Variants in CTBP2 observed in about 807,000 individuals in gnomAD.
CTBP2 encodes the protein C-terminal binding protein 2.
CTBP2 carries 30 observed loss-of-function variants against 80.3 expected under a neutral mutation model. The ratio of observed to expected loss-of-function variants is 0.37; its 90% confidence interval spans 0.28 to 0.51. The LOEUF is 0.51. Ranked by LOEUF, CTBP2 falls within the 20% of genes least tolerant of loss-of-function variation. The pLI is 0.93. For missense variants in CTBP2, 1,212 were observed against 1,375.3 expected, an observed-to-expected ratio of 0.88 and a Z score of 1.88; for synonymous variants, 594 against 587.4, an observed-to-expected ratio of 1.01 and a Z score of -0.16.
At chr10:125,068,330 T>C (rs992823123) in intron 2 of CTBP2, among the ~76,000 whole-genome samples, 11 of 152,190 alleles carry the variant, frequency 7.2e-5, no homozygotes, top group African/African-American at 2.7e-4. Flanking sequence ...CATTAAAGAA[T>C]TCAAACTACG....
chr10:125,075,707 G>A (rs1351898268), intron 2 of CTBP2, among the ~76,000 whole-genome samples: 1 of 152,228 alleles, frequency 6.6e-6, no homozygotes, highest in Non-Finnish European at 1.5e-5. Flanking sequence ...TATCTAATAT[G>A]CACCAGGAAA....
chr10:125,028,934 G>T (rs776654850), upstream of CTBP2, among the ~76,000 whole-genome samples: 2 of 152,152 alleles, frequency 1.3e-5, no homozygotes, highest in Non-Finnish European at 2.9e-5. Flanking sequence ...GGAGTGCCCC[G>T]AAGTATTAAG....
intron 4 of CTBP2, chr10:124,997,702 C>A: frequency 1.8e-6 from 1 of 541,678 alleles, no homozygotes. Flanking sequence ...CGCTGCCCCA[C>A]AGCAAAGAAT....
intron 1 of CTBP2, among the ~76,000 whole-genome samples, chr10:125,006,699 C>T (rs3781437): frequency 0.074 from 11,279 of 152,280 alleles, 549 homozygotes; most frequent in Admixed American, 0.14. Context: ...AAGTTTTTAA[C>T]CTATTAGGAT....
At chr10:125,111,506 A>G (rs998904353) in intron 1 of CTBP2, among the ~76,000 whole-genome samples, 8 of 152,264 alleles carry the variant, frequency 5.3e-5, no homozygotes, top group African/African-American at 9.6e-5. Flanking sequence ...CCCACGGTTT[A>G]TAAGTGCTAT....
At chr10:125,126,472 T>C (rs1348683428) in intron 1 of CTBP2, among the ~76,000 whole-genome samples, 3 of 152,148 alleles carry the variant, frequency 2.0e-5, no homozygotes, top group Non-Finnish European at 4.4e-5. Context: ...CACCAGAAAA[T>C]GCCATCCGCA....
chr10:125,131,080 G>T (rs1300799911), intron 1 of CTBP2, among the ~76,000 whole-genome samples: 1 of 152,222 alleles, frequency 6.6e-6, no homozygotes, highest in Non-Finnish European at 1.5e-5. Flanking sequence ...ATGCAGATGA[G>T]ATGGCAGGGA....
chr10:125,153,419 T>C (rs1860357441), intron 1 of CTBP2, among the ~76,000 whole-genome samples: 1 of 152,192 alleles, frequency 6.6e-6, no homozygotes, highest in Non-Finnish European at 1.5e-5. Context: ...CCGACTGTGT[T>C]TGCACTTCTA....
chr10:125,115,276 C>G (rs1390745773), intron 1 of CTBP2, among the ~76,000 whole-genome samples: 1 of 152,192 alleles, frequency 6.6e-6, no homozygotes, highest in Non-Finnish European at 1.5e-5. Flanking sequence ...GAACGGAGCA[C>G]CACTGTGCGC....
At chr10:125,113,566 G>A (rs1852665797) in intron 1 of CTBP2, among the ~76,000 whole-genome samples, 1 of 152,134 alleles carries the variant, frequency 6.6e-6, no homozygotes. Context: ...AAATATAAAG[G>A]GATTGTATCT....
intron 1 of CTBP2, among the ~76,000 whole-genome samples, chr10:125,118,588 C>T (rs190662092): frequency 4.6e-5 from 7 of 152,162 alleles, no homozygotes; most frequent in Non-Finnish European, 1.0e-4. Flanking sequence ...GTGTGAGCAA[C>T]TGGACCTGAG....
At chr10:125,114,813 G>A (rs1852940410) in intron 1 of CTBP2, among the ~76,000 whole-genome samples, 1 of 110,512 alleles carries the variant, frequency 9.0e-6, no homozygotes, top group Non-Finnish European at 1.7e-5. Flanking sequence ...CAAATGCAGA[G>A]ATAACAGAGG....
intron 1 of CTBP2, chr10:125,006,007 T>C: frequency 7.0e-7 from 1 of 1,431,758 alleles, no homozygotes; most frequent in Non-Finnish European, 9.1e-7. Context: ...TGAGAGGCCA[T>C]TGTCACAAGA....
chr10:125,015,846 C>T (rs1565101225), intron 1 of CTBP2, among the ~76,000 whole-genome samples: 1 of 152,230 alleles, frequency 6.6e-6, no homozygotes, highest in Non-Finnish European at 1.5e-5. Flanking sequence ...CTGCTGCACA[C>T]TCACTCGCCG....
rs766036122 is a variant in CTBP2 at position 125,026,173 on chromosome 10, C to G, written c.1587G>C (p.Gln529His). ...ACGGTGAGTGAGGCGTGTGGAGGCT[C>G]TGGCTGGCCGGCGGCAGGGTGGATG... Residue 529 changes from glutamine to histidine, a missense_variant, in exon 1 of 9, where the codon CAG (glutamine) becomes CAC (histidine). By Grantham distance (24) the Gln-to-His change is conservative. Coordinates refer to ENST00000309035, the MANE Select transcript of CTBP2 (RefSeq NM_022802.3). The G allele has an allele frequency of 1.2e-6, 2 of 1,611,778 alleles. No homozygotes were observed. Among genetic ancestry groups the G allele is most frequent in the South Asian group, 1.1e-5 (1 of 90,936 alleles).
Position 125,159,944 on chromosome 10 carries a change from C to G in CTBP2, c.-206+375G>C, listed in dbSNP as rs1365923530. 4 of 153,332 alleles carry G rather than the reference C, an allele frequency of 2.6e-5. No homozygotes were observed. In the East Asian group the frequency reaches 7.7e-4, roughly 29 times the overall value. 9.5% of individuals were successfully genotyped at this position (153,332 alleles called of 1,614,324 possible). Reference sequence around the variant, plus strand: ...GCCGCCGCTGCCCTCCGGACGCCGCCGCGCTCGGGGTTTCTTTTTTTTTTT... The same window carrying G: ...GCCGCCGCTGCCCTCCGGACGCCGCGGCGCTCGGGGTTTCTTTTTTTTTTT... On this transcript the variant is annotated intron_variant, in intron 1 of 10. Transcript: ENST00000337195.
At chr10:125,055,536 G>A (rs969294708) in intron 2 of CTBP2, among the ~76,000 whole-genome samples, 5 of 152,094 alleles carry the variant, frequency 3.3e-5, no homozygotes, top group East Asian at 3.9e-4. Context: ...TTAGGACCCC[G>A]ATGTACATCT....
intron 8 of CTBP2, among the ~76,000 whole-genome samples, chr10:124,990,389 G>C (rs1759203234): frequency 6.6e-6 from 1 of 152,160 alleles, no homozygotes; most frequent in Non-Finnish European, 1.5e-5. Context: ...TATCCCCAAA[G>C]CAAGGAGAAG....
intron 2 of CTBP2, among the ~76,000 whole-genome samples, chr10:125,042,546 A>G (rs1433716239): frequency 6.6e-6 from 1 of 152,224 alleles, no homozygotes; most frequent in East Asian, 1.9e-4. Context: ...CAGGGGCGGA[A>G]TCGTGGGTGG....
Sources: allele counts gnomAD v4.1 joint callset (sites outside exome capture counted in the v4.1 genomes callset), GRCh38; gene constraint gnomAD v4.1.1; transcripts MANE v1.5; gene names NCBI Gene and HGNC (gene_info 2026-07-23, HGNC 2026-07-21).